Variants in DNAI2 observed in about 807,000 individuals in gnomAD.
The protein encoded by DNAI2 is dynein axonemal intermediate chain 2, also known as dynein, axonemal, intermediate polypeptide 2.
DNAI2 carries 63 observed loss-of-function variants against 74.7 expected under a neutral mutation model. The observed-to-expected ratio is 0.84, with a 90% CI of 0.69 to 1.04. The LOEUF (loss-of-function observed/expected upper bound fraction) is 1.04, where lower values mean the gene tolerates loss of function less well. Among genes scored for constraint, DNAI2 ranks in the 50% least tolerant of loss-of-function variants. The pLI, the probability that DNAI2 is intolerant of heterozygous loss-of-function variation, is 0.00. For missense variants in DNAI2, 688 were observed against 803.2 expected, an observed-to-expected ratio of 0.86 and a Z score of 1.73; for synonymous variants, 289 against 314.9, an observed-to-expected ratio of 0.92 and a Z score of 0.87.
At chr17:74,298,919 T>C (rs1408465016) in intron 6 of DNAI2, among the ~76,000 whole-genome samples, 1 of 152,192 alleles carries the variant, frequency 6.6e-6, no homozygotes, top group African/African-American at 2.4e-5. Flanking sequence ...CCACTGTGCT[T>C]GGCTGAGCAG....
intron 1 of DNAI2, among the ~76,000 whole-genome samples, chr17:74,278,906 G>C (rs184926917): frequency 1.3e-5 from 2 of 152,210 alleles, no homozygotes; most frequent in African/African-American, 2.4e-5. Context: ...GGTGGCTCAC[G>C]CCTGTAATCC....
Position 74,281,963 on chromosome 17 carries a change from C to T in DNAI2, c.146C>T (p.Thr49Met), listed in dbSNP as rs374715330. 1.7e-5 allele frequency: 27 copies of T among 1,614,002 alleles called. No individual in the cohort carries two copies. In the African/African-American group the frequency reaches 2.3e-4, roughly 14 times the overall value. ...TTCGTGGAGCGGAACCCAGTGGACACGGGCATCCAGTGCTCGATCAGCATG... is the reference window on the plus strand; with the variant it reads ...TTCGTGGAGCGGAACCCAGTGGACATGGGCATCCAGTGCTCGATCAGCATG... ...EQFVERNPVD[T>M]GIQCSISMSE... The change falls in exon 2 of 14, where the codon ACG becomes ATG. Residue 49 changes from threonine to methionine, a missense_variant. Coordinates refer to ENST00000311014, the MANE Select transcript of DNAI2 (RefSeq NM_023036.6).
intron 9 of DNAI2, among the ~76,000 whole-genome samples, chr17:74,307,702 T>A (rs1270909863): frequency 1.3e-5 from 2 of 148,612 alleles, no homozygotes; most frequent in African/African-American, 5.2e-5. Flanking sequence ...AATCTGAATT[T>A]TAAAAAAAAA....
At chr17:74,277,527 G>T (rs1290316011) in intron 1 of DNAI2, among the ~76,000 whole-genome samples, 2 of 152,162 alleles carry the variant, frequency 1.3e-5, no homozygotes, top group East Asian at 1.9e-4. Flanking sequence ...GGATGCAAAG[G>T]GTTAACCTTC....
At chr17:74,306,762 C>T (rs1018844564) in intron 9 of DNAI2, among the ~76,000 whole-genome samples, 2 of 152,232 alleles carry the variant, frequency 1.3e-5, no homozygotes, top group African/African-American at 4.8e-5. Context: ...GGATTACAGG[C>T]GCACGCCAGC....
chr17:74,307,449 C>T (rs980949302), intron 9 of DNAI2: 5 of 380,594 alleles, frequency 1.3e-5, no homozygotes, highest in African/African-American at 8.4e-5. Context: ...GGGAGGATCA[C>T]TTGAGGTCAG....
intron 6 of DNAI2, among the ~76,000 whole-genome samples, chr17:74,296,314 A>T (rs568458202): frequency 1.1e-5 from 1 of 88,398 alleles, no homozygotes; most frequent in African/African-American, 3.2e-5. Context: ...GCCTTTAAAG[A>T]GAGAGAGAGA....
intron 8 of DNAI2, among the ~76,000 whole-genome samples, chr17:74,304,447 G>A (rs886505975): frequency 1.3e-5 from 2 of 151,966 alleles, no homozygotes; most frequent in African/African-American, 4.8e-5. Context: ...AGGCCCTGCT[G>A]GTGGAGGTTG....
chr17:74,298,369 A>G (rs952140924), intron 6 of DNAI2, among the ~76,000 whole-genome samples: 40 of 152,226 alleles, frequency 2.6e-4, no homozygotes, highest in African/African-American at 9.4e-4. Flanking sequence ...CAATGGCATG[A>G]TCTCAGCTCA....
intron 1 of DNAI2, among the ~76,000 whole-genome samples, chr17:74,277,562 G>T (rs1292517974): frequency 6.6e-6 from 1 of 152,182 alleles, no homozygotes; most frequent in Non-Finnish European, 1.5e-5. Context: ...CCCACCTGCT[G>T]CCCCAGCTGC....
intron 9 of DNAI2, among the ~76,000 whole-genome samples, chr17:74,306,229 G>A (rs2053184237): frequency 6.6e-6 from 1 of 152,184 alleles, no homozygotes; most frequent in Non-Finnish European, 1.5e-5. Context: ...CAACAGACAG[G>A]GAGCTTGAGA....
intron 8 of DNAI2, 72 bp from the exon 9 acceptor site, chr17:74,305,147 C>T: frequency 6.5e-7 from 1 of 1,534,286 alleles, no homozygotes; most frequent in Non-Finnish European, 9.0e-7. Context: ...CAAGCAAGCT[C>T]CTGTCCATGC....
intron 6 of DNAI2, among the ~76,000 whole-genome samples, chr17:74,299,045 G>A (rs748406327): frequency 6.6e-6 from 1 of 152,156 alleles, no homozygotes; most frequent in Non-Finnish European, 1.5e-5. Flanking sequence ...TTACAAAACG[G>A]CCTTTCCTAG....
In DNAI2 at chr17:74,314,278, C is replaced by G; in HGVS notation, c.*55+7C>G. 1.2e-6 allele frequency: 2 copies of G among 1,609,564 alleles called. No individual in the cohort carries two copies. The highest frequency in any genetic ancestry group is 2.2e-5 in the South Asian group (2 of 90,826). On this transcript the variant is annotated splice_region_variant and intron_variant, in intron 13 of 13. Transcript: ENST00000311014. ...CTTCCTTTCCCACCTCTTGGTATTGCCCCGCTCTCACAAGTGGGAGGCTGA... is the reference window on the plus strand; with the variant it reads ...CTTCCTTTCCCACCTCTTGGTATTGGCCCGCTCTCACAAGTGGGAGGCTGA...
chr17:74,313,564 A>G (rs550780620), intron 12 of DNAI2, among the ~76,000 whole-genome samples: 11 of 152,242 alleles, frequency 7.2e-5, no homozygotes, highest in African/African-American at 2.4e-4. Context: ...TTTGTGACAT[A>G]TGTCCCAAAA....
At chr17:74,296,177 G>C (rs563627487) in intron 6 of DNAI2, among the ~76,000 whole-genome samples, 8 of 152,184 alleles carry the variant, frequency 5.3e-5, no homozygotes, top group Admixed American at 1.3e-4. Context: ...TACTTTTGTT[G>C]TTTAAATGTA....
At chr17:74,281,451 T>A in intron 1 of DNAI2, 1 of 480,068 alleles carries the variant, frequency 2.1e-6, no homozygotes, top group South Asian at 4.0e-5. Context: ...AGAGATGGGG[T>A]TTCACCATGT....
Position 74,312,239 on chromosome 17 carries a change from C to T in DNAI2, c.1722+9C>T. ...AGCTGACGCCAGTGCCTGTAGGGGC[C>T]TGGACAGGGGTTGGGTGGGTTGGGG... On this transcript the variant is annotated intron_variant, in intron 12 of 13. Coordinates refer to ENST00000311014, the MANE Select transcript of DNAI2 (RefSeq NM_023036.6). 1 of 1,304,362 alleles carries T rather than the reference C, an allele frequency of 7.7e-7. No homozygotes were observed. Among genetic ancestry groups the T allele is most frequent in the Admixed American group, 2.0e-5 (1 of 50,256 alleles). The allele number at this position is 1,304,362 out of a possible 1,614,324, so 80.8% of individuals were successfully genotyped here.
At chr17:74,281,736 T>G in intron 1 of DNAI2, 71 bp from the exon 2 acceptor site, 1 of 1,506,448 alleles carries the variant, frequency 6.6e-7, no homozygotes, top group South Asian at 1.1e-5. Flanking sequence ...GGAGCTGTCC[T>G]GGCAGGACCT....
Sources: allele counts gnomAD v4.1 joint callset (sites outside exome capture counted in the v4.1 genomes callset), GRCh38; gene constraint gnomAD v4.1.1; transcripts MANE v1.5; gene names NCBI Gene and HGNC (gene_info 2026-07-23, HGNC 2026-07-21).